The following AFG2A variants were observed in gnomAD, a reference collection of about 807,000 sequenced individuals.
The protein encoded by AFG2A is AAA ATPase AFG2A, also known as ATPase family gene 2 protein homolog A.
At chr4:123,103,849 A>C in the AFG2A span, among the ~76,000 whole-genome samples, 1 of 152,188 alleles carries the variant, frequency 6.6e-6, no homozygotes, top group East Asian at 1.9e-4. Flanking sequence ...GCAAAGATGG[A>C]TAAATTTCAA....
At chr4:123,293,229 G>T in the AFG2A span, among the ~76,000 whole-genome samples, 1 of 152,140 alleles carries the variant, frequency 6.6e-6, no homozygotes, top group Non-Finnish European at 1.5e-5. Flanking sequence ...GCAGTGATAG[G>T]CAAAGGGTAG....
At chr4:122,927,964 A>C in the AFG2A span, among the ~76,000 whole-genome samples, 1 of 152,224 alleles carries the variant, frequency 6.6e-6, no homozygotes, top group Non-Finnish European at 1.5e-5. Context: ...CCTGGTCCCA[A>C]ACATTTTGGA....
At chr4:123,013,602 G>T in the AFG2A span, among the ~76,000 whole-genome samples, 1 of 152,088 alleles carries the variant, frequency 6.6e-6, no homozygotes, top group Non-Finnish European at 1.5e-5. Context: ...GTCGGGGTTG[G>T]GGGGCAAGGG....
At chr4:122,998,760 C>T in the AFG2A span, among the ~76,000 whole-genome samples, 19 of 152,174 alleles carry the variant, frequency 1.2e-4, no homozygotes, top group African/African-American at 3.4e-4. Flanking sequence ...TGAATAGTGC[C>T]GCAATAAACA....
At chr4:123,019,565 A>G in the AFG2A span, among the ~76,000 whole-genome samples, 8 of 152,298 alleles carry the variant, frequency 5.3e-5, no homozygotes, top group Non-Finnish European at 1.0e-4. Context: ...CAAGGTGGGA[A>G]TTGCTGCTAT....
the AFG2A span, among the ~76,000 whole-genome samples, chr4:123,030,263 T>A: frequency 6.6e-6 from 1 of 152,222 alleles, no homozygotes. Flanking sequence ...AGTATCTTAC[T>A]TTTTCTGTGA....
the AFG2A span, among the ~76,000 whole-genome samples, chr4:122,999,904 G>A: frequency 1.3e-5 from 2 of 152,036 alleles, no homozygotes; most frequent in African/African-American, 4.8e-5. Context: ...TGGGCAGTAT[G>A]GCCATTTTCA....
At chr4:122,957,498 T>G in the AFG2A span, among the ~76,000 whole-genome samples, 1 of 152,328 alleles carries the variant, frequency 6.6e-6, no homozygotes, top group Admixed American at 6.5e-5. Flanking sequence ...TGTATCCCAC[T>G]TATCGAACAT....
chr4:123,141,329 G>A, the AFG2A span, among the ~76,000 whole-genome samples: 3 of 152,138 alleles, frequency 2.0e-5, no homozygotes, highest in Non-Finnish European at 2.9e-5. Flanking sequence ...CAGGCATGGT[G>A]GCGTGGGCCT....
chr4:123,295,783 G>A, the AFG2A span, among the ~76,000 whole-genome samples: 2 of 152,294 alleles, frequency 1.3e-5, no homozygotes, highest in South Asian at 2.1e-4. Context: ...ATGGTGATGC[G>A]TGCCTGTAGT....
chr4:123,081,343 C>G, the AFG2A span, among the ~76,000 whole-genome samples: 2 of 152,156 alleles, frequency 1.3e-5, no homozygotes, highest in African/African-American at 4.8e-5. Context: ...TTTGGAATAT[C>G]CTATACATTC....
At chr4:122,943,066 A>G in the AFG2A span, among the ~76,000 whole-genome samples, 48 of 152,282 alleles carry the variant, frequency 3.2e-4, no homozygotes, top group African/African-American at 3.6e-4. Flanking sequence ...TATGTGGTCA[A>G]TTATGGAATA....
the AFG2A span, among the ~76,000 whole-genome samples, chr4:123,084,627 A>AAG: frequency 1.4e-5 from 2 of 143,282 alleles, no homozygotes; most frequent in African/African-American, 5.2e-5. Context: ...TATATATATA[A>AAG]AGAGAGAGAG....
the AFG2A span, among the ~76,000 whole-genome samples, chr4:123,133,059 C>T: frequency 1.6e-4 from 24 of 152,120 alleles, no homozygotes; most frequent in African/African-American, 5.3e-4. Context: ...GGATTACAGG[C>T]GTGAGCCACT....
chr4:123,311,413 G>A, the AFG2A span, among the ~76,000 whole-genome samples: 8 of 152,126 alleles, frequency 5.3e-5, no homozygotes, highest in South Asian at 1.5e-3. Context: ...GGATCACAAG[G>A]TCAGGAGATC....
chr4:123,224,482 T>A, the AFG2A span, among the ~76,000 whole-genome samples: 1 of 152,144 alleles, frequency 6.6e-6, no homozygotes, highest in African/African-American at 2.4e-5. Flanking sequence ...GTCCTTGCGA[T>A]AGTTTGCTGA....
chr4:123,248,305 C>T, the AFG2A span, among the ~76,000 whole-genome samples: 1 of 152,114 alleles, frequency 6.6e-6, no homozygotes, highest in African/African-American at 2.4e-5. Context: ...ATGGATTTTA[C>T]ATACTACTGC....
the AFG2A span, among the ~76,000 whole-genome samples, chr4:123,279,615 G>A: frequency 6.6e-6 from 1 of 151,998 alleles, no homozygotes; most frequent in Non-Finnish European, 1.5e-5. Context: ...TTCTTCCTAG[G>A]GTCATTGTGA....
chr4:123,024,508 G>A, the AFG2A span, among the ~76,000 whole-genome samples: 4 of 152,154 alleles, frequency 2.6e-5, no homozygotes, highest in Admixed American at 6.5e-5. Context: ...GTTCCTCCTC[G>A]GAGTCTGAGT....
Sources: allele counts gnomAD v4.1 joint callset (sites outside exome capture counted in the v4.1 genomes callset), GRCh38; gene constraint gnomAD v4.1.1; transcripts MANE v1.5; gene names NCBI Gene and HGNC (gene_info 2026-07-23, HGNC 2026-07-21).